Variants in SHISA6 observed in about 807,000 individuals in gnomAD.
SHISA6 encodes the protein shisa family member 6.
A neutral mutation model predicts 47.9 loss-of-function variants in SHISA6; 22 were observed. The observed-to-expected ratio is 0.46, with a 90% CI of 0.33 to 0.66. The LOEUF is 0.66. SHISA6 is among the 30% of genes least tolerant of loss of function. The pLI is 0.02. For synonymous variants in SHISA6, 388 were observed against 337.8 expected (o/e 1.15, Z -1.63); for missense variants, 680 against 764.6 (o/e 0.89, Z 1.30).
rs115160592 is a variant in SHISA6, at chr17:11,523,256, G to A, written c.896-28640G>A. ...AGAAATAAAAGGCAGAAAACCCCCC[G>A]TTGGCTCCGATCGGATTTGCTGCTG... On this transcript the variant is annotated intron_variant, in intron 3 of 5. Transcript: ENST00000441885. Among the ~76,000 whole-genome samples, 939 of 152,292 alleles carry A rather than the reference G, an allele frequency of 6.2e-3. 9 individuals are homozygous for A. The highest frequency in any genetic ancestry group is 0.021 in the African/African-American group (886 of 41,560).
chr17:11,547,525 G>A (rs2071893296), intron 3 of SHISA6, among the ~76,000 whole-genome samples: 1 of 152,126 alleles, frequency 6.6e-6, no homozygotes, highest in Admixed American at 6.5e-5. Flanking sequence ...ACAACAATAA[G>A]AACACTGTGT....
In SHISA6 at chr17:11,241,743, G is replaced by A; in HGVS notation, c.321G>A (p.Glu107=). 12 of 1,545,550 alleles carry A rather than the reference G, an allele frequency of 7.8e-6. No individual in the cohort carries two copies. Among genetic ancestry groups the A allele is most frequent in the Non-Finnish European group, 9.6e-6 (11 of 1,146,940 alleles). The part of the protein sequence containing the change: ...YYDVSGQYDK[E]FECNNSESGY... ...ACGTGAGCGGCCAGTACGACAAGGA[G>A]TTCGAGTGTAACAACAGCGAGAGCG... The change falls in exon 1 of 6, where the codon GAG becomes GAA. Residue 107 remains glutamate, a synonymous_variant. Transcript: ENST00000441885. This position sits in a 1 kb window ranked among gnomAD's most constrained non-coding sequence, Gnocchi z 5.5.
At chr17:11,453,050 C>A (rs1460809160) in intron 3 of SHISA6, among the ~76,000 whole-genome samples, 1 of 151,888 alleles carries the variant, frequency 6.6e-6, no homozygotes, top group Non-Finnish European at 1.5e-5. Context: ...CAGCTTTCCT[C>A]AGGACTGGAG....
chr17:11,274,730 C>T (rs963095039), intron 2 of SHISA6, among the ~76,000 whole-genome samples: 1 of 152,164 alleles, frequency 6.6e-6, no homozygotes, highest in Non-Finnish European at 1.5e-5. Context: ...GTGGATTAGA[C>T]ACAGTCCTGG....
At chr17:11,517,822 T>A (rs1469121045) in intron 3 of SHISA6, among the ~76,000 whole-genome samples, 1 of 152,022 alleles carries the variant, frequency 6.6e-6, no homozygotes, top group Non-Finnish European at 1.5e-5. Flanking sequence ...TTTATTTTCC[T>A]GTCACACCTG....
chr17:11,269,857 A>G (rs532340112), intron 2 of SHISA6, among the ~76,000 whole-genome samples: 2 of 152,360 alleles, frequency 1.3e-5, no homozygotes, highest in African/African-American at 4.8e-5. Context: ...ATCGAAGCGC[A>G]TCTGACACAA....
Position 11,383,031 on chromosome 17 carries a change from G to A in SHISA6, c.895+3522G>A, listed in dbSNP as rs529451032. Among the ~76,000 whole-genome samples the A allele has an allele frequency of 1.9e-4, 28 of 149,140 alleles. No individual in the cohort carries two copies. In the East Asian group the frequency reaches 5.4e-3, roughly 29 times the overall value. On this transcript the variant is annotated intron_variant, in intron 3 of 5. Transcript: ENST00000441885. The stretch of plus-strand genomic sequence containing the variant: ...TGGCTCACTGCAACCTCTGTCTCCC[G>A]GGTCCAAGCAATTCTTCTGCCTCAG...
At chr17:11,289,529 G>A (rs1398631346) in intron 2 of SHISA6, 16 of 148,012 alleles carry the variant, frequency 1.1e-4, no homozygotes, top group Admixed American at 1.1e-3. Context: ...GAGCTTACAT[G>A]TGAAATTGCC....
chr17:11,365,886 A>G (rs1160016495), intron 2 of SHISA6, among the ~76,000 whole-genome samples: 1 of 152,250 alleles, frequency 6.6e-6, no homozygotes, highest in Non-Finnish European at 1.5e-5. Context: ...TTGGGTGATT[A>G]GAGAAAGTCT....
chr17:11,548,706 A>G (rs563677418), intron 3 of SHISA6, among the ~76,000 whole-genome samples: 4 of 152,254 alleles, frequency 2.6e-5, no homozygotes, highest in Admixed American at 1.3e-4. Context: ...ACATTATTAA[A>G]CTTTTGAACA....
intron 3 of SHISA6, among the ~76,000 whole-genome samples, chr17:11,423,193 C>T (rs1273158680): frequency 2.0e-5 from 3 of 146,690 alleles, no homozygotes; most frequent in Non-Finnish European, 4.5e-5. Context: ...AAAAGGATTG[C>T]ATTTCTGTGT....
intron 3 of SHISA6, among the ~76,000 whole-genome samples, chr17:11,471,188 G>C (rs918450924): frequency 7.3e-6 from 1 of 136,768 alleles, no homozygotes; most frequent in Non-Finnish European, 1.5e-5. Context: ...CAGCCAGGTC[G>C]ACAGAGTGAG....
chr17:11,482,078 G>C (rs745954244), intron 3 of SHISA6, among the ~76,000 whole-genome samples: 1 of 151,988 alleles, frequency 6.6e-6, no homozygotes, highest in Non-Finnish European at 1.5e-5. Context: ...TTGAATAGGA[G>C]ACCAGAAAAA....
At chr17:11,280,335 A>G (rs1373325778) in intron 2 of SHISA6, among the ~76,000 whole-genome samples, 6 of 152,212 alleles carry the variant, frequency 3.9e-5, no homozygotes, top group Admixed American at 3.9e-4. Context: ...TATATGCATA[A>G]ATAGTTAAAT....
At chr17:11,452,441 G>T (rs915705305) in intron 3 of SHISA6, among the ~76,000 whole-genome samples, 2 of 152,138 alleles carry the variant, frequency 1.3e-5, no homozygotes, top group Non-Finnish European at 2.9e-5. Flanking sequence ...GTGACTCAAG[G>T]TCAGCTTCCT....
intron 3 of SHISA6, among the ~76,000 whole-genome samples, chr17:11,423,399 C>A (rs545681980): frequency 6.6e-6 from 1 of 151,566 alleles, no homozygotes; most frequent in African/African-American, 2.4e-5. Flanking sequence ...AAGGCAGTGA[C>A]AAGTAAGAGC....
chr17:11,549,612 T>TA (rs2071913180), intron 3 of SHISA6, among the ~76,000 whole-genome samples: 1 of 152,210 alleles, frequency 6.6e-6, no homozygotes, highest in South Asian at 2.1e-4. Flanking sequence ...CCTAATTGGC[T>TA]ATCAGCAATT....
intron 3 of SHISA6, among the ~76,000 whole-genome samples, chr17:11,515,846 C>T (rs967128927): frequency 3.9e-5 from 6 of 152,158 alleles, no homozygotes; most frequent in Admixed American, 1.3e-4. Flanking sequence ...GTGTGAGGAG[C>T]TCCTAAGGAG....
At chr17:11,252,067 T>C (rs1277912145) in intron 1 of SHISA6, among the ~76,000 whole-genome samples, 1 of 152,132 alleles carries the variant, frequency 6.6e-6, no homozygotes, top group Non-Finnish European at 1.5e-5. Context: ...TCATCCTTCT[T>C]GTCCCTGCTT....
Sources: gnomAD v4.1 joint callset for allele counts (sites outside exome capture counted in the v4.1 genomes callset) on GRCh38, gnomAD v4.1.1 for gene constraint, Gnocchi (gnomAD v3.1) non-coding constraint, MANE v1.5 for transcripts, NCBI Gene and HGNC (gene_info 2026-07-23, HGNC 2026-07-21) for gene names.